YBEY: variants seen among roughly 807,000 people sequenced by gnomAD.
YBEY encodes endoribonuclease YbeY.
A neutral mutation model predicts 13.5 loss-of-function variants in YBEY; 15 were observed. The ratio of observed to expected loss-of-function variants is 1.11; its 90% confidence interval spans 0.75 to 1.72. YBEY has a LOEUF of 1.72. Ranked by LOEUF, YBEY falls within the 40% of genes most tolerant of loss-of-function variation. The pLI is 0.00. For synonymous variants in YBEY, 101 were observed against 83.1 expected (o/e 1.21, Z -1.17); for missense variants, 244 against 208.4 (o/e 1.17, Z -1.05).
chr21:46,301,605 C>T, downstream of YBEY: 2 of 1,015,436 alleles, frequency 2.0e-6, no homozygotes. Context: ...TTCTTAAACT[C>T]TTTCTGGATG....
intron 1 of YBEY, 24 bp downstream of exon 1, chr21:46,286,439 C>T (rs1371660968): frequency 6.3e-6 from 1 of 158,120 alleles, no homozygotes; most frequent in African/African-American, 2.4e-5. Flanking sequence ...GGTTTTTAGT[C>T]TCCCAAGCGA....
At chr21:46,292,100 T>G (rs1354873784) in intron 3 of YBEY, 1 of 153,294 alleles carries the variant, frequency 6.5e-6, no homozygotes, top group Non-Finnish European at 1.4e-5. Context: ...CGCCTCTGCG[T>G]GGAGCCACGG....
chr21:46,308,904 C>A, the YBEY span, among the ~76,000 whole-genome samples: 502 of 152,322 alleles, frequency 3.3e-3, no homozygotes, highest in Middle Eastern at 6.8e-3. Flanking sequence ...CCCCTTGCCA[C>A]GTGATGCCTC....
chr21:46,295,861 A>ACC (rs2081936991), intron 3 of YBEY, among the ~76,000 whole-genome samples: 1 of 71,922 alleles, frequency 1.4e-5, no homozygotes, highest in East Asian at 3.4e-4. Context: ...TTCATATTCC[A>ACC]TCCCCCCTTG....
At chr21:46,291,239 G>A in intron 2 of YBEY, 95 bp from the exon 3 acceptor site, 3 of 1,455,438 alleles carry the variant, frequency 2.1e-6, no homozygotes, top group South Asian at 2.5e-5. Context: ...AGAGATAAGT[G>A]CTTATTTGCC....
intron 2 of YBEY, among the ~76,000 whole-genome samples, chr21:46,291,057 C>T (rs1601583232): frequency 6.7e-6 from 1 of 149,800 alleles, no homozygotes; most frequent in African/African-American, 2.5e-5. Context: ...ATTAGCTGGG[C>T]ACGGTGGCAT....
chr21:46,291,856 T>A (rs2081725977), intron 3 of YBEY: 1 of 1,054,530 alleles, frequency 9.5e-7, no homozygotes, highest in African/African-American at 1.7e-5. Flanking sequence ...GGGTTCTTCC[T>A]GCCCACTGCA....
the YBEY span, among the ~76,000 whole-genome samples, chr21:46,303,745 ATTTTTT>A: frequency 0.017 from 402 of 23,632 alleles, 1 homozygote; most frequent in Non-Finnish European, 0.018. Context: ...ATATATATAT[ATTTTTT>A]TTTTTTTTTT....
chr21:46,306,298 A>G, the YBEY span, among the ~76,000 whole-genome samples: 2 of 151,948 alleles, frequency 1.3e-5, no homozygotes, highest in Admixed American at 1.3e-4. Flanking sequence ...CATGAGGTTC[A>G]AGACCATCTG....
At chr21:46,301,705 G>C (rs558400929), downstream of YBEY, 24 of 1,168,620 alleles carry the variant, frequency 2.1e-5, no homozygotes, top group Non-Finnish European at 2.2e-5. Flanking sequence ...CAGGTGGGCC[G>C]GCGCCGCCCT....
chr21:46,287,713 G>A (rs1397970519), intron 2 of YBEY, among the ~76,000 whole-genome samples: 3 of 152,086 alleles, frequency 2.0e-5, no homozygotes, highest in Admixed American at 6.6e-5. Flanking sequence ...GGTGACAGCC[G>A]AGCGCGATGG....
At chr21:46,301,550 G>A, downstream of YBEY, 1 of 989,038 alleles carries the variant, frequency 1.0e-6, no homozygotes, top group Non-Finnish European at 1.2e-6. Context: ...CTTCCATGTG[G>A]CTAAAGCTAT....
chr21:46,302,606 T>A (rs1176011132), downstream of YBEY: 1 of 1,561,436 alleles, frequency 6.4e-7, no homozygotes, highest in South Asian at 1.1e-5. Flanking sequence ...GGACCCTGAA[T>A]AAAGTTTCCG....
chr21:46,287,329 G>A (rs930844096), intron 2 of YBEY, among the ~76,000 whole-genome samples: 2 of 152,020 alleles, frequency 1.3e-5, no homozygotes, highest in African/African-American at 4.8e-5. Context: ...CAGTAGGTGG[G>A]ACCACAGATG....
chr21:46,309,972 A>C, the YBEY span, among the ~76,000 whole-genome samples: 1 of 151,902 alleles, frequency 6.6e-6, no homozygotes, highest in African/African-American at 2.4e-5. Context: ...ACTCCAGCCT[A>C]GGCGACAGGC....
the YBEY span, among the ~76,000 whole-genome samples, chr21:46,306,511 CT>C: frequency 6.7e-6 from 1 of 149,746 alleles, no homozygotes; most frequent in Non-Finnish European, 1.5e-5. Flanking sequence ...AAAAAAAAAT[CT>C]TTTATGAATT....
chr21:46,294,885 T>C (rs1383197625), intron 3 of YBEY, among the ~76,000 whole-genome samples: 1 of 152,138 alleles, frequency 6.6e-6, no homozygotes, highest in African/African-American at 2.4e-5. Flanking sequence ...TGCATCTGTG[T>C]GGCTTGAGGC....
At chr21:46,306,851 A>G in the YBEY span, among the ~76,000 whole-genome samples, 3 of 149,518 alleles carry the variant, frequency 2.0e-5, no homozygotes, top group South Asian at 2.1e-4. Flanking sequence ...GCCTCCCAAA[A>G]TGCTGGGATT....
intron 3 of YBEY, among the ~76,000 whole-genome samples, chr21:46,294,739 G>A (rs1363736932): frequency 2.0e-5 from 3 of 147,830 alleles, no homozygotes; most frequent in African/African-American, 7.6e-5. Context: ...TTGCACAGGT[G>A]GTTTCAGCAG....
Sources: allele counts gnomAD v4.1 joint callset (sites outside exome capture counted in the v4.1 genomes callset), GRCh38; gene constraint gnomAD v4.1.1; transcripts MANE v1.5; gene names NCBI Gene and HGNC (gene_info 2026-07-23, HGNC 2026-07-21).